TRDMT1: variants seen among roughly 807,000 people sequenced by gnomAD.
The protein encoded by TRDMT1 is tRNA aspartic acid methyltransferase 1.
In TRDMT1, 49 loss-of-function variants were observed where a neutral mutation model predicts 51.2. The ratio of observed to expected loss-of-function variants is 0.96; its 90% CI spans 0.76 to 1.21. TRDMT1 has a LOEUF of 1.21. Among genes scored for constraint, TRDMT1 ranks in the 50% most tolerant of loss-of-function variants. The probability of loss-of-function intolerance (pLI) is 0.00; values close to 1 mark genes in which losing one functional copy is unlikely to be tolerated. For synonymous variants in TRDMT1, 187 were observed against 164.6 expected (o/e 1.14, Z -1.04); for missense variants, 534 against 462.3 (o/e 1.16, Z -1.42).
chr10:17,155,943 T>C (rs1236299698), intron 8 of TRDMT1, among the ~76,000 whole-genome samples: 3 of 152,202 alleles, frequency 2.0e-5, no homozygotes, highest in Non-Finnish European at 2.9e-5. Context: ...CTAAGTCTTA[T>C]TTTATGAGAG....
At position 17,142,520 on chromosome 10, in the gene TRDMT1, A is replaced by C. The variant is rs914164648; in HGVS notation, c.*6520T>G. Reference sequence around the variant, plus strand: ...AGTCTCAGGCTCAGGGTAATAAAAAATCTTCCTGGGTTAGATGCTTTTTGC... The same window carrying C: ...AGTCTCAGGCTCAGGGTAATAAAAACTCTTCCTGGGTTAGATGCTTTTTGC... On this transcript the variant is annotated 3_prime_UTR_variant, in exon 11 of 11. Transcript: ENST00000377799. 1 of 152,142 alleles carries C rather than the reference A, an allele frequency of 6.6e-6. No individual in the cohort carries two copies. The highest frequency in any genetic ancestry group is 2.4e-5 in the African/African-American group (1 of 41,430). The allele number at this position is 152,142 out of a possible 1,614,324, so 9.4% of individuals were successfully genotyped here.
At chr10:17,164,629 C>T (rs1214813583) in intron 3 of TRDMT1, among the ~76,000 whole-genome samples, 1 of 152,178 alleles carries the variant, frequency 6.6e-6, no homozygotes, top group Non-Finnish European at 1.5e-5. Flanking sequence ...CCCATCATCT[C>T]GGCCCAAAAT....
chr10:17,188,076 A>C (rs1844180635), intron 1 of TRDMT1, among the ~76,000 whole-genome samples: 1 of 147,956 alleles, frequency 6.8e-6, no homozygotes, highest in Non-Finnish European at 1.5e-5. Flanking sequence ...CATTAGTAAA[A>C]CAAACTCTGT....
intron 1 of TRDMT1, among the ~76,000 whole-genome samples, chr10:17,180,175 T>C (rs1383350271): frequency 6.6e-6 from 1 of 152,214 alleles, no homozygotes; most frequent in African/African-American, 2.4e-5. Context: ...TTAATTTGCC[T>C]TTCCTAGATA....
At position 17,139,685 on chromosome 10, in the gene TRDMT1, A is replaced by G. The variant is rs1837531880; in HGVS notation, c.*9355T>C. Among the ~76,000 whole-genome samples, 3 of 152,168 alleles carry G rather than the reference A, an allele frequency of 2.0e-5. No homozygotes were observed. Among genetic ancestry groups the G allele is most frequent in the Non-Finnish European group, 2.9e-5 (2 of 68,032 alleles). On this transcript the variant is annotated 3_prime_UTR_variant, in exon 11 of 11. Transcript: ENST00000377799. ...TGCATTACGGATGTGATTTACGGTTAGAGGAGTGATTTAACAAGGCTGATG... is the reference window on the plus strand; with the variant it reads ...TGCATTACGGATGTGATTTACGGTTGGAGGAGTGATTTAACAAGGCTGATG...
In TRDMT1 at chr10:17,143,220, C is replaced by G. The variant is rs1837826670; in HGVS notation, c.*5820G>C. 4.1e-6 allele frequency: 4 copies of G among 985,332 alleles called. No individual in the cohort carries two copies. In the African/African-American group the frequency reaches 5.2e-5, roughly 13 times the overall value. The allele number at this position is 985,332 out of a possible 1,614,324, so 61.0% of individuals were successfully genotyped here. On this transcript the variant is annotated 3_prime_UTR_variant, in exon 11 of 11. Coordinates refer to ENST00000377799, the MANE Select transcript of TRDMT1 (RefSeq NM_004412.7). Reference sequence around the variant, plus strand: ...CTTCAATATTGATTCCAGTATGGTTCCTACATTCACTCATTCAACAACTAT... The same window carrying G: ...CTTCAATATTGATTCCAGTATGGTTGCTACATTCACTCATTCAACAACTAT...
intron 1 of TRDMT1, among the ~76,000 whole-genome samples, chr10:17,196,437 G>A (rs886818151): frequency 6.6e-6 from 1 of 152,172 alleles, no homozygotes; most frequent in African/African-American, 2.4e-5. Context: ...GAAAAATACA[G>A]AATCTTATTT....
In TRDMT1 at chr10:17,152,119, A is replaced by G. The variant is rs12240990; in HGVS notation, c.1075+1388T>C. On this transcript the variant is annotated intron_variant, in intron 10 of 10. Coordinates refer to ENST00000377799, the MANE Select transcript of TRDMT1 (RefSeq NM_004412.7). ...GCTCATCTGAAAAAAGGAAAAAAAA[A>G]TAGTAGCTAGGAAAGCAGACTAGGA... 5.5e-3 allele frequency: 7,023 copies of G among 1,288,402 alleles called. 245 individuals carry two copies. In the African/African-American group the frequency reaches 0.085, roughly 16 times the overall value. 79.8% of individuals were successfully genotyped at this position (1,288,402 alleles called of 1,614,324 possible).
chr10:17,161,637 T>C, intron 4 of TRDMT1, 89 bp from the exon 5 acceptor site: 1 of 722,698 alleles, frequency 1.4e-6, no homozygotes, highest in Non-Finnish European at 2.0e-6. Flanking sequence ...AAATACGAGG[T>C]AAGTAATTTT....
intron 7 of TRDMT1, 78 bp from the exon 8 acceptor site, chr10:17,157,862 T>G: frequency 2.6e-6 from 3 of 1,136,680 alleles, no homozygotes; most frequent in Non-Finnish European, 3.7e-6. Context: ...CAGTCAACAT[T>G]ACGAAAACAA....
At position 17,139,527 on chromosome 10, in the gene TRDMT1, TG is replaced by T. The variant is rs1355158065; in HGVS notation, c.*9512del. ...TTTGGTTCTCTTCTGGGAAGGAAAATGAAAAAAAAGAAAAAGAAAACAAAGT... is the reference window on the plus strand; with the variant it reads ...TTTGGTTCTCTTCTGGGAAGGAAAATAAAAAAAAGAAAAAGAAAACAAAGT... On this transcript the variant is annotated 3_prime_UTR_variant, in exon 11 of 11. Transcript: ENST00000377799. Among the ~76,000 whole-genome samples the T allele has an allele frequency of 6.6e-6, 1 of 151,310 alleles. No individual in the cohort carries two copies. Among genetic ancestry groups the T allele is most frequent in the African/African-American group, 2.4e-5 (1 of 40,994 alleles).
intron 1 of TRDMT1, among the ~76,000 whole-genome samples, chr10:17,176,001 C>A (rs963413557): frequency 2.0e-5 from 3 of 152,174 alleles, no homozygotes; most frequent in African/African-American, 7.2e-5. Flanking sequence ...AGTGCAATAA[C>A]TAGTTACTGG....
In TRDMT1 at chr10:17,143,398, T is replaced by C. The variant is rs1837839940; in HGVS notation, c.*5642A>G. The C allele has an allele frequency of 1.0e-6, 1 of 985,350 alleles. No homozygotes were observed. The highest frequency in any genetic ancestry group is 1.2e-6 in the Non-Finnish European group (1 of 829,940). The allele number at this position is 985,350 out of a possible 1,614,324, so 61.0% of individuals were successfully genotyped here. On this transcript the variant is annotated 3_prime_UTR_variant, in exon 11 of 11. Transcript: ENST00000377799. ...ATCGTAACAGCTATTCAGCTTATTG[T>C]CTACTCATTCATAGGATCAGCTCTT... is the stretch of plus-strand genomic sequence containing the variant.
chr10:17,201,346 G>A, intron 1 of TRDMT1: 2 of 511,698 alleles, frequency 3.9e-6, no homozygotes, highest in Non-Finnish European at 6.8e-6. Flanking sequence ...GGCGCCATGT[G>A]CGGCCCCTCG....
rs376899890 is a variant in TRDMT1 at position 17,200,342 on chromosome 10, G to C, written c.64+1229C>G. On this transcript the variant is annotated intron_variant, in intron 1 of 10. Coordinates refer to ENST00000377799, the MANE Select transcript of TRDMT1 (RefSeq NM_004412.7). ...TATATCACTTTAGAGAATTAACAAAGAGTAAATAGTACTAGAGTTTTGCTT... is the reference window on the plus strand; with the variant it reads ...TATATCACTTTAGAGAATTAACAAACAGTAAATAGTACTAGAGTTTTGCTT... 3.5e-4 allele frequency among the ~76,000 whole-genome samples: 54 copies of C among 152,264 alleles called. No homozygotes were observed. In the South Asian group the frequency reaches 0.01, roughly 29 times the overall value.
At chr10:17,183,975 G>T (rs766462820) in intron 1 of TRDMT1, among the ~76,000 whole-genome samples, 3 of 152,050 alleles carry the variant, frequency 2.0e-5, no homozygotes, top group African/African-American at 2.4e-5. Context: ...TATTTTACCT[G>T]CTAACTCAAC....
At chr10:17,159,835 T>G (rs1840061103) in intron 6 of TRDMT1, among the ~76,000 whole-genome samples, 1 of 152,126 alleles carries the variant, frequency 6.6e-6, no homozygotes, top group Non-Finnish European at 1.5e-5. Flanking sequence ...GTCAAATAAC[T>G]TGTCTTATCA....
At chr10:17,157,357 TGTTTTTAGAAGAACTTAAAGAAACAATA>T in intron 8 of TRDMT1, 56 bp downstream of exon 8, 2 of 1,295,114 alleles carry the variant, frequency 1.5e-6, no homozygotes, top group Non-Finnish European at 2.1e-6. Flanking sequence ...AAATGCTCCT[TGTTTTTAGAAGAACTTAAAGAAACAATA>T]GCTTTAAAAA....
rs11254394 is a variant in TRDMT1 at position 17,141,073 on chromosome 10, G to A, written c.*7967C>T. Among the ~76,000 whole-genome samples, 61,916 of 152,136 alleles carry A rather than the reference G, an allele frequency of 0.41. 14,501 individuals are homozygous for A. Among genetic ancestry groups the A allele is most frequent in the South Asian group, 0.57 (2,742 of 4,822 alleles). On this transcript the variant is annotated 3_prime_UTR_variant, in exon 11 of 11. Transcript: ENST00000377799. ...TAGTTGACAATGCCACCTCCTTCTG[G>A]TCCTCATGGTTTTGGATGAGACATC...
Sources: allele counts gnomAD v4.1 joint callset (sites outside exome capture counted in the v4.1 genomes callset), GRCh38; gene constraint gnomAD v4.1.1; transcripts MANE v1.5; gene names NCBI Gene and HGNC (gene_info 2026-07-23, HGNC 2026-07-21).